The following RPSA2 variants were observed in gnomAD, a reference collection of about 807,000 sequenced individuals.
RPSA2 encodes the protein ribosomal protein SA 2.
At chr19:23,786,382 C>G in the RPSA2 span, among the ~76,000 whole-genome samples, 1 of 152,150 alleles carries the variant, frequency 6.6e-6, no homozygotes, top group African/African-American at 2.4e-5. Context: ...TGCCTGGTCC[C>G]AGTCTGAAGA....
the RPSA2 span, among the ~76,000 whole-genome samples, chr19:23,789,019 C>CTTTTTTTTTTTTTTTTTTTTTTTTT: frequency 7.1e-5 from 8 of 112,624 alleles, 1 homozygote; most frequent in South Asian, 6.2e-4. Context: ...TTTTTTCTTT[C>CTTTTTTTTTTTTTTTTTTTTTTTTT]TTTCTTTTTT....
chr19:23,759,209 AATT>A, the RPSA2 span, among the ~76,000 whole-genome samples: 1 of 152,040 alleles, frequency 6.6e-6, no homozygotes, highest in South Asian at 2.1e-4. Flanking sequence ...ATATAATAAC[AATT>A]ATTTTAATAT....
At chr19:23,809,845 C>G in the RPSA2 span, among the ~76,000 whole-genome samples, 1 of 152,154 alleles carries the variant, frequency 6.6e-6, no homozygotes, top group African/African-American at 2.4e-5. Context: ...TCTTCATCCA[C>G]ATACTTTCAG....
chr19:23,867,904 T>C, the RPSA2 span, among the ~76,000 whole-genome samples: 1 of 151,638 alleles, frequency 6.6e-6, no homozygotes, highest in Non-Finnish European at 1.5e-5. Context: ...CACCACCCAC[T>C]GCCTTACCTT....
the RPSA2 span, among the ~76,000 whole-genome samples, chr19:23,766,695 C>A: frequency 3.3e-5 from 5 of 151,498 alleles, no homozygotes; most frequent in Middle Eastern, 6.9e-3. Context: ...ACCTCGTGAT[C>A]CGCCCGCCTC....
chr19:23,803,368 A>T, the RPSA2 span, among the ~76,000 whole-genome samples: 1 of 152,152 alleles, frequency 6.6e-6, no homozygotes, highest in Non-Finnish European at 1.5e-5. Context: ...TAAATGGAAA[A>T]TATAAAATAT....
At chr19:23,805,142 C>CTT in the RPSA2 span, among the ~76,000 whole-genome samples, 4 of 149,364 alleles carry the variant, frequency 2.7e-5, no homozygotes, top group Non-Finnish European at 5.9e-5. Context: ...CACACACACA[C>CTT]ACACACACAC....
At chr19:23,830,609 A>T in the RPSA2 span, among the ~76,000 whole-genome samples, 17 of 151,380 alleles carry the variant, frequency 1.1e-4, no homozygotes, top group East Asian at 2.0e-4. Flanking sequence ...AGTTTTTTTT[A>T]AATTTTTTTA....
chr19:23,772,332 G>A, the RPSA2 span, among the ~76,000 whole-genome samples: 8 of 152,124 alleles, frequency 5.3e-5, no homozygotes, highest in African/African-American at 1.4e-4. Flanking sequence ...CCTAGGTGAT[G>A]TGACACTGCT....
the RPSA2 span, among the ~76,000 whole-genome samples, chr19:23,857,080 T>A: frequency 6.6e-6 from 1 of 152,144 alleles, no homozygotes; most frequent in Admixed American, 6.5e-5. Flanking sequence ...AGAACAGACA[T>A]TCCCAGAATG....
At chr19:23,779,298 C>A in the RPSA2 span, among the ~76,000 whole-genome samples, 2 of 152,198 alleles carry the variant, frequency 1.3e-5, no homozygotes, top group Non-Finnish European at 2.9e-5. Flanking sequence ...CTGCGCCCGG[C>A]CATGACACAT....
chr19:23,840,830 C>T, the RPSA2 span, among the ~76,000 whole-genome samples: 2 of 151,694 alleles, frequency 1.3e-5, no homozygotes, highest in African/African-American at 4.8e-5. Flanking sequence ...GACACTGTGG[C>T]ACGTGCCTGT....
the RPSA2 span, among the ~76,000 whole-genome samples, chr19:23,848,165 A>G: frequency 1.3e-5 from 2 of 152,236 alleles, no homozygotes; most frequent in Admixed American, 6.5e-5. Context: ...AGATAGGCAT[A>G]AGAAATTATA....
chr19:23,760,186 C>G, the RPSA2 span, among the ~76,000 whole-genome samples: 1 of 152,136 alleles, frequency 6.6e-6, no homozygotes, highest in Non-Finnish European at 1.5e-5. Context: ...TTCCCAGGGT[C>G]TCCCTTGACT....
chr19:23,796,984 G>A, the RPSA2 span, among the ~76,000 whole-genome samples: 831 of 151,736 alleles, frequency 5.5e-3, 2 homozygotes, highest in African/African-American at 0.015. Context: ...TATTTATGAT[G>A]TCAGGTTGTC....
the RPSA2 span, among the ~76,000 whole-genome samples, chr19:23,843,588 C>G: frequency 1.3e-5 from 2 of 152,074 alleles, no homozygotes; most frequent in Non-Finnish European, 2.9e-5. Flanking sequence ...GAGAATATCT[C>G]TAACTATTTT....
chr19:23,761,411 A>G, the RPSA2 span, among the ~76,000 whole-genome samples: 2 of 152,138 alleles, frequency 1.3e-5, no homozygotes, highest in South Asian at 4.1e-4. Context: ...GTTACAACCA[A>G]ATTATGAGCT....
At chr19:23,771,514 G>T in the RPSA2 span, among the ~76,000 whole-genome samples, 1 of 152,182 alleles carries the variant, frequency 6.6e-6, no homozygotes, top group African/African-American at 2.4e-5. Flanking sequence ...TCATCCAGAT[G>T]TGATTGTGAC....
chr19:23,846,177 A>G, the RPSA2 span, among the ~76,000 whole-genome samples: 2 of 151,838 alleles, frequency 1.3e-5, no homozygotes, highest in Admixed American at 6.6e-5. Context: ...GTTAATATCT[A>G]CCCCCTTTAC....
Sources: gnomAD v4.1 joint callset for allele counts (sites outside exome capture counted in the v4.1 genomes callset) on GRCh38, gnomAD v4.1.1 for gene constraint, MANE v1.5 for transcripts, NCBI Gene and HGNC (gene_info 2026-07-23, HGNC 2026-07-21) for gene names.